CSNK1G1: variants seen among roughly 807,000 people sequenced by gnomAD.
The protein encoded by CSNK1G1 is casein kinase I isoform gamma-1.
A neutral mutation model predicts 59.6 loss-of-function variants in CSNK1G1; 22 were observed. That is an observed-to-expected ratio of 0.37 (90% CI 0.26 to 0.53). The LOEUF is 0.53. Among genes scored for constraint, CSNK1G1 ranks in the 20% least tolerant of loss-of-function variants. CSNK1G1 has a pLI of 0.89. For synonymous variants in CSNK1G1, 179 were observed against 177.1 expected, an observed-to-expected ratio of 1.01 and a Z score of -0.08; for missense variants, 384 against 519.5, an observed-to-expected ratio of 0.74 and a Z score of 2.54.
At chr15:64,284,667 C>A (rs1245894020) in intron 2 of CSNK1G1, among the ~76,000 whole-genome samples, 1 of 151,716 alleles carries the variant, frequency 6.6e-6, no homozygotes, top group Non-Finnish European at 1.5e-5. Context: ...TGATCTATCC[C>A]CAGAAACATA....
chr15:64,326,681 C>G (rs9744424), intron 1 of CSNK1G1, among the ~76,000 whole-genome samples: 6 of 151,704 alleles, frequency 4.0e-5, no homozygotes, highest in Non-Finnish European at 8.8e-5. Context: ...CCAAGATGGC[C>G]GAATAGGAAC....
At chr15:64,256,200 A>C (rs1159956547) in intron 3 of CSNK1G1, among the ~76,000 whole-genome samples, 3 of 152,216 alleles carry the variant, frequency 2.0e-5, no homozygotes, top group African/African-American at 7.2e-5. Context: ...AAGTCGATCA[A>C]AACACTAGAA....
intron 4 of CSNK1G1, among the ~76,000 whole-genome samples, chr15:64,236,081 G>A (rs1245727498): frequency 1.3e-5 from 2 of 149,018 alleles, no homozygotes; most frequent in Non-Finnish European, 3.0e-5. Flanking sequence ...AGGCAGAGAT[G>A]GCAGTGAGCT....
chr15:64,182,067 T>TTTTTTTG (rs2081824435), intron 10 of CSNK1G1, among the ~76,000 whole-genome samples: 6 of 139,380 alleles, frequency 4.3e-5, no homozygotes, highest in African/African-American at 1.7e-4. Context: ...TTTTTTTTTT[T>TTTTTTTG]TTTTTTTTTT....
rs1339522366 is a variant in CSNK1G1, at chr15:64,228,642, GAAAAGA to G, written c.293-11935_293-11930del. On this transcript the variant is annotated intron_variant, in intron 4 of 11. Coordinates refer to ENST00000303052, the MANE Select transcript of CSNK1G1 (RefSeq NM_022048.5). Reference sequence around the variant, plus strand: ...ACAGCAAGACTCCGTCTCAAAAAAAGAAAAGAAAAAGAAAAAGTATTCACAACCACA... The same window carrying G: ...ACAGCAAGACTCCGTCTCAAAAAAAGAAAAGAAAAAGTATTCACAACCACA... 5.9e-5 allele frequency among the ~76,000 whole-genome samples: 9 copies of G among 152,092 alleles called. No homozygotes were observed. The South Asian group carries it at 1.2e-3, about 21-fold the overall frequency.
At chr15:64,215,428 G>GGTCTCGATCTCCTGACCTCATGATC (rs1396260274) in intron 5 of CSNK1G1, among the ~76,000 whole-genome samples, 8 of 151,524 alleles carry the variant, frequency 5.3e-5, no homozygotes, top group Non-Finnish European at 8.8e-5. Flanking sequence ...TAGCCAGGAT[G>GGTCTCGATCTCCTGACCTCATGATC]GTCTCGATCT....
chr15:64,321,835 A>G (rs1355214391), intron 1 of CSNK1G1, among the ~76,000 whole-genome samples: 2 of 152,222 alleles, frequency 1.3e-5, no homozygotes, highest in Non-Finnish European at 2.9e-5. Context: ...CTGAAAGTGG[A>G]GAAGAATGGA....
intron 2 of CSNK1G1, among the ~76,000 whole-genome samples, chr15:64,267,269 A>G (rs1893039030): frequency 6.6e-6 from 1 of 151,448 alleles, no homozygotes. Context: ...AAAAAAAAAA[A>G]AAAAAAGAAA....
chr15:64,212,302 T>C (rs1222287581), intron 6 of CSNK1G1, among the ~76,000 whole-genome samples: 1 of 152,260 alleles, frequency 6.6e-6, no homozygotes, highest in African/African-American at 2.4e-5. Context: ...AATTGTATCA[T>C]ACTACTTTGT....
intron 6 of CSNK1G1, 67 bp downstream of exon 6, chr15:64,213,823 A>G: frequency 9.2e-7 from 1 of 1,081,196 alleles, no homozygotes; most frequent in Non-Finnish European, 1.4e-6. Flanking sequence ...CAATGGGGAT[A>G]TAATGTTACA....
At chr15:64,296,168 T>C (rs1895010350) in intron 2 of CSNK1G1, among the ~76,000 whole-genome samples, 1 of 152,216 alleles carries the variant, frequency 6.6e-6, no homozygotes, top group Non-Finnish European at 1.5e-5. Flanking sequence ...TCGCCCAGGC[T>C]GGAGTGCAGT....
intron 10 of CSNK1G1, chr15:64,194,920 CAT>C (rs1390287734): frequency 5.3e-5 from 8 of 152,202 alleles, no homozygotes; most frequent in Non-Finnish European, 7.3e-5. Flanking sequence ...TCAGACCTCA[CAT>C]GATTTGACTC....
intron 1 of CSNK1G1, among the ~76,000 whole-genome samples, chr15:64,301,368 C>CAAAAAA (rs5813288): frequency 7.0e-6 from 1 of 142,312 alleles, no homozygotes. Context: ...GAAAATAAAG[C>CAAAAAA]AAAAAAAAAA....
chr15:64,193,545 T>G (rs565949679), intron 10 of CSNK1G1, among the ~76,000 whole-genome samples: 7 of 151,824 alleles, frequency 4.6e-5, no homozygotes, highest in African/African-American at 1.7e-4. Context: ...TCTATTAAGC[T>G]CATGAAACAT....
At position 64,193,792 on chromosome 15, in the gene CSNK1G1, C is replaced by T. The variant is rs182880004; in HGVS notation, c.1107+9290G>A. ...AGAAGTCTGCAATTCTCTATTCAAA[C>T]TCTGCCCTATCCTTACAATGGTGTA... On this transcript the variant is annotated intron_variant, in intron 10 of 11. Transcript: ENST00000303052. 3.6e-4 allele frequency among the ~76,000 whole-genome samples: 55 copies of T among 152,256 alleles called. 1 individual carries two copies. The highest frequency in any genetic ancestry group is 2.9e-3 in the Admixed American group (44 of 15,290).
At chr15:64,291,946 C>A (rs2140386636) in intron 2 of CSNK1G1, among the ~76,000 whole-genome samples, 1 of 152,292 alleles carries the variant, frequency 6.6e-6, no homozygotes, top group African/African-American at 2.4e-5. Context: ...CGCCTGTAAT[C>A]CCAGCACTTT....
At chr15:64,353,266 C>T (rs561185400) in intron 1 of CSNK1G1, among the ~76,000 whole-genome samples, 1 of 152,168 alleles carries the variant, frequency 6.6e-6, no homozygotes, top group South Asian at 2.1e-4. Flanking sequence ...TATAAGTCAC[C>T]TCAAAAAGCA....
intron 6 of CSNK1G1, among the ~76,000 whole-genome samples, chr15:64,213,438 T>C (rs1181112017): frequency 6.6e-6 from 1 of 152,214 alleles, no homozygotes; most frequent in African/African-American, 2.4e-5. Flanking sequence ...TTTCACTGAA[T>C]AAGACAGAAG....
intron 2 of CSNK1G1, among the ~76,000 whole-genome samples, chr15:64,280,679 C>T (rs879286297): frequency 4.6e-5 from 7 of 151,514 alleles, no homozygotes; most frequent in Non-Finnish European, 1.0e-4. Context: ...CATATTTTAT[C>T]TTCAGAACTG....
Sources: gnomAD v4.1 joint callset for allele counts (sites outside exome capture counted in the v4.1 genomes callset) on GRCh38, gnomAD v4.1.1 for gene constraint, MANE v1.5 for transcripts, NCBI Gene and HGNC (gene_info 2026-07-23, HGNC 2026-07-21) for gene names.